The following FAM135B variants were observed in gnomAD, a reference collection of about 807,000 sequenced individuals.
The protein encoded by FAM135B is protein FAM135B.
In FAM135B, 43 loss-of-function variants were observed where a neutral mutation model predicts 127.7. That is an observed-to-expected ratio of 0.34 (90% CI 0.26 to 0.43). The LOEUF is 0.43. FAM135B is among the 20% of genes least tolerant of loss of function. The pLI is 1.00. For missense variants in FAM135B, 1,558 were observed against 1,725.6 expected (o/e 0.90, Z 1.72); for synonymous variants, 670 against 665.1 (o/e 1.01, Z -0.11).
chr8:138,142,263 G>C (rs908440442), intron 16 of FAM135B, among the ~76,000 whole-genome samples: 6 of 146,284 alleles, frequency 4.1e-5, no homozygotes, highest in Non-Finnish European at 9.0e-5. Context: ...TCTCTCTTTG[G>C]GGTGGGCAAC....
chr8:138,197,405 C>T, intron 8 of FAM135B, 111 bp downstream of exon 8: 1 of 1,329,950 alleles, frequency 7.5e-7, no homozygotes, highest in Non-Finnish European at 1.0e-6. Flanking sequence ...CCTACCTGGA[C>T]CAGGGTTATT....
At position 138,152,352 on chromosome 8, in the gene FAM135B, G is replaced by A. The variant is rs754144184; in HGVS notation, c.2123C>T (p.Pro708Leu). ...SEARSRALEL[P>L]SDREVLHPFV... Reference sequence around the variant, plus strand: ...CGGGTGCAAGACTTCCCGATCACTGGGCAACTCCAGAGCCCTGCTTCGGGC... The same window carrying A: ...CGGGTGCAAGACTTCCCGATCACTGAGCAACTCCAGAGCCCTGCTTCGGGC... Residue 708 changes from proline to leucine, a missense_variant, in exon 13 of 20, where the codon CCC becomes CTC. Physicochemically the swap from Pro to Leu is moderately conservative, Grantham distance 98 (BLOSUM62 -3). Around this residue, in one of 5 missense-constraint regions of FAM135B, gnomAD observed 923 missense variants for 865.3 expected, o/e 1.07. Transcript: ENST00000395297. 6.2e-6 allele frequency: 10 copies of A among 1,614,004 alleles called. No homozygotes were observed. The highest frequency in any genetic ancestry group is 8.5e-6 in the Non-Finnish European group (10 of 1,180,036).
chr8:138,232,788 G>T (rs10102213), intron 7 of FAM135B, among the ~76,000 whole-genome samples: 36,897 of 151,876 alleles, frequency 0.24, 5,182 homozygotes, highest in African/African-American at 0.36. Context: ...TTTTTAAAAT[G>T]CCAGTAAAAA....
At chr8:138,395,695 T>C (rs1832811457) in intron 1 of FAM135B, among the ~76,000 whole-genome samples, 1 of 152,174 alleles carries the variant, frequency 6.6e-6, no homozygotes, top group South Asian at 2.1e-4. Context: ...TAAAAGAGGA[T>C]TGCCAATCTC....
chr8:138,327,775 A>G (rs1001445261), intron 2 of FAM135B, among the ~76,000 whole-genome samples: 4 of 152,102 alleles, frequency 2.6e-5, no homozygotes, highest in Non-Finnish European at 5.9e-5. Flanking sequence ...ATCATAGGAA[A>G]CCCCTCAGGA....
At chr8:138,249,126 T>C (rs1219515884) in intron 6 of FAM135B, among the ~76,000 whole-genome samples, 1 of 152,156 alleles carries the variant, frequency 6.6e-6, no homozygotes, top group Non-Finnish European at 1.5e-5. Context: ...CTGACCTTAC[T>C]AGCCTCACCT....
At chr8:138,137,046 AAACCTAT>A in intron 19 of FAM135B, 94 bp downstream of exon 19, 1 of 710,168 alleles carries the variant, frequency 1.4e-6, no homozygotes, top group Non-Finnish European at 2.6e-6. Context: ...ATGCAGCACT[AAACCTAT>A]AGCCCAGGTG....
chr8:138,391,514 G>A (rs1832576388), intron 1 of FAM135B, among the ~76,000 whole-genome samples: 1 of 151,906 alleles, frequency 6.6e-6, no homozygotes, highest in Non-Finnish European at 1.5e-5. Context: ...GGTTTTTCTG[G>A]CCTTGACCTA....
At chr8:138,150,551 C>T (rs1283566964) in intron 13 of FAM135B, among the ~76,000 whole-genome samples, 1 of 152,036 alleles carries the variant, frequency 6.6e-6, no homozygotes, top group South Asian at 2.1e-4. Flanking sequence ...GCCTGTAGTC[C>T]CAGCTGCTTG....
At chr8:138,177,646 A>T (rs1200487049) in intron 10 of FAM135B, among the ~76,000 whole-genome samples, 2 of 152,220 alleles carry the variant, frequency 1.3e-5, no homozygotes, top group Non-Finnish European at 2.9e-5. Context: ...ACGTGAATGC[A>T]GTCTATGAAT....
At chr8:138,195,841 T>C (rs1816579118) in intron 8 of FAM135B, among the ~76,000 whole-genome samples, 1 of 152,230 alleles carries the variant, frequency 6.6e-6, no homozygotes, top group African/African-American at 2.4e-5. Context: ...TTTGTTTTAA[T>C]GGTCACAGTT....
At chr8:138,368,731 G>C (rs1400496954) in intron 1 of FAM135B, among the ~76,000 whole-genome samples, 1 of 152,014 alleles carries the variant, frequency 6.6e-6, no homozygotes, top group Admixed American at 6.6e-5. Context: ...TAACAAGATG[G>C]TTGAATGGAA....
chr8:138,366,723 A>T (rs1406781301), intron 2 of FAM135B, among the ~76,000 whole-genome samples: 1 of 152,196 alleles, frequency 6.6e-6, no homozygotes, highest in Non-Finnish European at 1.5e-5. Context: ...TTGTCTTTTC[A>T]CAACTGGAGT....
intron 10 of FAM135B, 76 bp from the exon 11 acceptor site, chr8:138,177,496 G>A: frequency 7.8e-7 from 1 of 1,275,212 alleles, no homozygotes; most frequent in Non-Finnish European, 1.1e-6. Context: ...TTTAATTGAG[G>A]CTCAAAAAGA....
intron 1 of FAM135B, among the ~76,000 whole-genome samples, chr8:138,488,818 C>T (rs933122933): frequency 6.6e-6 from 1 of 152,150 alleles, no homozygotes; most frequent in South Asian, 2.1e-4. Flanking sequence ...AGGCACGCAC[C>T]ACCACACCCA....
rs1439329640 is a variant in FAM135B, at chr8:138,242,114, G to A, written c.669+828C>T. On this transcript the variant is annotated intron_variant, in intron 7 of 19. Transcript: ENST00000395297. This position sits in a 1 kb window ranked among gnomAD's most constrained non-coding sequence, Gnocchi z 9.6. Reference sequence around the variant, plus strand: ...CCAGCTTGCTGACTGAAGATTTGGGGGCTTCTCAGCCTTCAAAATCATGTG... The same window carrying A: ...CCAGCTTGCTGACTGAAGATTTGGGAGCTTCTCAGCCTTCAAAATCATGTG... Among the ~76,000 whole-genome samples the A allele has an allele frequency of 1.3e-5, 2 of 150,904 alleles. No homozygotes were observed. The highest frequency in any genetic ancestry group is 6.6e-5 in the Admixed American group (1 of 15,118).
intron 2 of FAM135B, among the ~76,000 whole-genome samples, chr8:138,342,532 G>C (rs146030988): frequency 7.0e-4 from 107 of 152,314 alleles, no homozygotes; most frequent in African/African-American, 2.3e-3. Flanking sequence ...GCACTCAAAT[G>C]GTTCTTAGAA....
At position 138,329,408 on chromosome 8, in the gene FAM135B, C is replaced by G. The variant is rs552337577; in HGVS notation, c.78-18488G>C. On this transcript the variant is annotated intron_variant, in intron 2 of 19. Coordinates refer to ENST00000395297, the MANE Select transcript of FAM135B (RefSeq NM_015912.4). ...TTTTGATATGAAAACTCCCAGGTGTCTGAAGTCATTCTGGAGATTTCAAGG... is the reference window on the plus strand; with the variant it reads ...TTTTGATATGAAAACTCCCAGGTGTGTGAAGTCATTCTGGAGATTTCAAGG... Among the ~76,000 whole-genome samples the G allele has an allele frequency of 4.1e-4, 62 of 152,306 alleles. 1 individual carries two copies. Among genetic ancestry groups the G allele is most frequent in the African/African-American group, 1.5e-3 (61 of 41,578 alleles).
chr8:138,301,172 T>A (rs1235935906), intron 3 of FAM135B, among the ~76,000 whole-genome samples: 2 of 152,152 alleles, frequency 1.3e-5, no homozygotes, highest in African/African-American at 4.8e-5. Context: ...AACTCTGCAC[T>A]ATGCGATGTG....
Sources: gnomAD v4.1 joint callset for allele counts (sites outside exome capture counted in the v4.1 genomes callset) on GRCh38, gnomAD v4.1.1 for gene constraint, gnomAD v4.1.1 regional missense constraint, Gnocchi (gnomAD v3.1) non-coding constraint, MANE v1.5 for transcripts, NCBI Gene and HGNC (gene_info 2026-07-23, HGNC 2026-07-21) for gene names.